Variants in RALGAPA2 observed in about 807,000 individuals in gnomAD.
RALGAPA2 encodes the protein Ral GTPase activating protein catalytic subunit alpha 2.
In RALGAPA2, 139 loss-of-function variants were observed where a neutral mutation model predicts 230.4. The ratio of observed to expected loss-of-function variants is 0.60; its 90% CI spans 0.53 to 0.69. RALGAPA2 has a LOEUF of 0.69. Among genes scored for constraint, RALGAPA2 ranks in the 30% least tolerant of loss-of-function variants. The pLI is 0.00. For synonymous variants in RALGAPA2, 847 were observed against 837.8 expected (o/e 1.01, Z -0.19); for missense variants, 2,163 against 2,276.0 (o/e 0.95, Z 1.01).
chr20:20,652,421 C>T (rs1603202963), intron 4 of RALGAPA2, among the ~76,000 whole-genome samples: 1 of 152,270 alleles, frequency 6.6e-6, no homozygotes, highest in South Asian at 2.1e-4. Flanking sequence ...TTCATAGAGA[C>T]AATTTTGCTG....
At chr20:20,432,413 A>T (rs1365746611) in intron 37 of RALGAPA2, among the ~76,000 whole-genome samples, 1 of 152,158 alleles carries the variant, frequency 6.6e-6, no homozygotes, top group Non-Finnish European at 1.5e-5. Flanking sequence ...GACGGTGCTA[A>T]CCTTTTCAAA....
chr20:20,450,847 A>C (rs1381705909), intron 37 of RALGAPA2, among the ~76,000 whole-genome samples: 1 of 152,258 alleles, frequency 6.6e-6, no homozygotes, highest in African/African-American at 2.4e-5. Context: ...TTTATCAGTT[A>C]CATGCAGACA....
At position 20,540,458 on chromosome 20, in the gene RALGAPA2, G is replaced by A. The variant is rs16981963; in HGVS notation, c.3286-3674C>T. 3.6e-3 allele frequency among the ~76,000 whole-genome samples: 547 copies of A among 152,246 alleles called. 4 individuals carry two copies. The highest frequency in any genetic ancestry group is 0.013 in the African/African-American group (528 of 41,558). ...CTAAAGACCAAGCAAATTCGATACCGTCAGAAAGCTTAAAAGATAAGGCAC... is the reference window on the plus strand; with the variant it reads ...CTAAAGACCAAGCAAATTCGATACCATCAGAAAGCTTAAAAGATAAGGCAC... On this transcript the variant is annotated intron_variant, in intron 24 of 39. Transcript: ENST00000202677.
chr20:20,583,550 C>A (rs1218872569), intron 19 of RALGAPA2, among the ~76,000 whole-genome samples: 4 of 152,130 alleles, frequency 2.6e-5, no homozygotes, highest in Admixed American at 2.6e-4. Flanking sequence ...CTGGGACTTA[C>A]AAAATGAGGA....
intron 3 of RALGAPA2, among the ~76,000 whole-genome samples, chr20:20,660,376 G>T (rs1235816686): frequency 6.6e-6 from 1 of 152,060 alleles, no homozygotes; most frequent in Non-Finnish European, 1.5e-5. Context: ...TAAAATTCTG[G>T]TTTCCTTAGC....
intron 37 of RALGAPA2, among the ~76,000 whole-genome samples, chr20:20,462,440 G>A (rs1295505072): frequency 2.6e-5 from 4 of 152,186 alleles, no homozygotes; most frequent in Non-Finnish European, 5.9e-5. Context: ...AAAGGGAGTG[G>A]GCACCAGCAC....
At chr20:20,442,364 C>T (rs779966750) in intron 37 of RALGAPA2, among the ~76,000 whole-genome samples, 18 of 152,228 alleles carry the variant, frequency 1.2e-4, no homozygotes, top group Non-Finnish European at 2.2e-4. Flanking sequence ...ATCTTCACTC[C>T]GCTCTCTGTC....
chr20:20,499,110 AC>A (rs2062297210), intron 35 of RALGAPA2, among the ~76,000 whole-genome samples: 1 of 152,202 alleles, frequency 6.6e-6, no homozygotes, highest in Non-Finnish European at 1.5e-5. Flanking sequence ...TTAGAATAAG[AC>A]AAGGAACTGT....
chr20:20,672,500 T>C (rs887225887), intron 3 of RALGAPA2, among the ~76,000 whole-genome samples: 1 of 152,164 alleles, frequency 6.6e-6, no homozygotes, highest in Admixed American at 6.5e-5. Flanking sequence ...CCAAAAAAGC[T>C]GTTAAAAACA....
rs1182117961 is a variant in RALGAPA2 at position 20,526,232 on chromosome 20, T to C, written c.3693+20A>G. ...AAAAGGAAATGCTTATGTTTTAGTATTACAGAAAAAAAGACTTACTTCTGC... is the reference window on the plus strand; with the variant it reads ...AAAAGGAAATGCTTATGTTTTAGTACTACAGAAAAAAAGACTTACTTCTGC... On this transcript the variant is annotated intron_variant, in intron 28 of 39. Coordinates refer to ENST00000202677, the MANE Select transcript of RALGAPA2 (RefSeq NM_020343.4). 6.7e-7 allele frequency: 1 copy of C among 1,483,660 alleles called. No homozygotes were observed. The highest frequency in any genetic ancestry group is 9.3e-7 in the Non-Finnish European group (1 of 1,076,182). 91.9% of individuals were successfully genotyped at this position (1,483,660 alleles called of 1,614,324 possible).
At chr20:20,697,730 G>C (rs2069174136) in intron 1 of RALGAPA2, among the ~76,000 whole-genome samples, 1 of 152,164 alleles carries the variant, frequency 6.6e-6, no homozygotes. Flanking sequence ...TGTCAGGCTG[G>C]CAATGCTAGA....
chr20:20,643,521 A>G lies in RALGAPA2; in HGVS notation c.357T>C (p.Thr119=). The G allele has an allele frequency of 6.8e-7, 1 of 1,473,706 alleles. No homozygotes were observed. Among genetic ancestry groups the G allele is most frequent in the African/African-American group, 1.4e-5 (1 of 71,016 alleles). 91.3% of individuals were successfully genotyped at this position (1,473,706 alleles called of 1,614,324 possible). Reference sequence around the variant, plus strand: ...AAATAAATACCTTAATAGAATTTCCAGTGTGTAGAAGCTTCTTTAAAGTTG... The same window carrying G: ...AAATAAATACCTTAATAGAATTTCCGGTGTGTAGAAGCTTCTTTAAAGTTG... The part of the protein sequence containing the change: ...IGSTLKKLLH[T]GNSIKIRCEG... Residue 119 remains threonine (T), a synonymous_variant, in exon 5 of 40, where the codon ACT becomes ACC. Transcript: ENST00000202677.
At chr20:20,415,090 T>C (rs1490132084) in intron 37 of RALGAPA2, among the ~76,000 whole-genome samples, 1 of 152,250 alleles carries the variant, frequency 6.6e-6, no homozygotes, top group Non-Finnish European at 1.5e-5. Context: ...AACACAGCGC[T>C]GGGATCTTAA....
At chr20:20,397,232 A>G (rs1053726879) in intron 38 of RALGAPA2, among the ~76,000 whole-genome samples, 1 of 152,232 alleles carries the variant, frequency 6.6e-6, no homozygotes, top group Non-Finnish European at 1.5e-5. Flanking sequence ...AGTTATACAC[A>G]GTGTGTTAAT....
intron 37 of RALGAPA2, among the ~76,000 whole-genome samples, chr20:20,450,256 A>G (rs1423401135): frequency 6.6e-6 from 1 of 152,218 alleles, no homozygotes. Flanking sequence ...TCTAAGTGGG[A>G]TATGCCAGTA....
intron 16 of RALGAPA2, among the ~76,000 whole-genome samples, chr20:20,599,447 CAAAT>C (rs1458500521): frequency 6.6e-6 from 1 of 152,086 alleles, no homozygotes; most frequent in African/African-American, 2.4e-5. Context: ...TACTGCTAGT[CAAAT>C]AAATATTGGA....
chr20:20,492,312 G>A lies in RALGAPA2; in HGVS notation c.5367+2805C>T, dbSNP rs147975323. On this transcript the variant is annotated intron_variant, in intron 36 of 39. Transcript: ENST00000202677. The stretch of plus-strand genomic sequence containing the variant: ...AGACCACAGAGTCATACTATACTCA[G>A]ATGAAATACACAGGTGCTAAAAGAA... Among the ~76,000 whole-genome samples, 447 of 152,214 alleles carry A rather than the reference G, an allele frequency of 2.9e-3. 3 individuals carry two copies. Among genetic ancestry groups the A allele is most frequent in the Non-Finnish European group, 4.6e-3 (316 of 68,002 alleles).
chr20:20,565,054 C>T (rs1431280430), intron 23 of RALGAPA2, among the ~76,000 whole-genome samples: 2 of 152,148 alleles, frequency 1.3e-5, no homozygotes, highest in Non-Finnish European at 2.9e-5. Context: ...TTTAAATTCA[C>T]AAATAAGTAC....
chr20:20,428,997 T>C (rs1171900385), intron 37 of RALGAPA2, among the ~76,000 whole-genome samples: 1 of 152,046 alleles, frequency 6.6e-6, no homozygotes, highest in Non-Finnish European at 1.5e-5. Flanking sequence ...CTGAGTTCTG[T>C]TGGGGCAACA....
Sources: gnomAD v4.1 joint callset for allele counts (sites outside exome capture counted in the v4.1 genomes callset) on GRCh38, gnomAD v4.1.1 for gene constraint, MANE v1.5 for transcripts, NCBI Gene and HGNC (gene_info 2026-07-23, HGNC 2026-07-21) for gene names.